Variants in RAB35 observed in about 807,000 individuals in gnomAD.
RAB35 encodes RAB35, member RAS oncogene family.
Under a neutral mutation model 28.9 loss-of-function variants are expected in RAB35, and 4 were observed. That is an observed-to-expected ratio of 0.14 (90% confidence interval 0.07 to 0.32). The LOEUF (loss-of-function observed/expected upper bound fraction) is 0.32, where lower values mean the gene tolerates loss of function less well. RAB35 is among the 10% of genes least tolerant of loss of function. The pLI, the probability that RAB35 is intolerant of heterozygous loss-of-function variation, is 1.00. For synonymous variants in RAB35, 99 were observed against 105.1 expected, an observed-to-expected ratio of 0.94 and a Z score of 0.35; for missense variants, 128 against 274.0, an observed-to-expected ratio of 0.47 and a Z score of 3.76.
Position 120,116,486 on chromosome 12 carries a change from C to T in RAB35, c.52+113G>A, listed in dbSNP as rs1011463642. ...CCTGGGGCCCAGACCGCCGGGCTGC[C>T]CCGCCCGCCCGCCCCGCACGGGCCG... is the stretch of plus-strand genomic sequence containing the variant. On this transcript the variant is annotated intron_variant, in intron 1 of 5. Coordinates refer to ENST00000229340, the MANE Select transcript of RAB35 (RefSeq NM_006861.7). 5.8e-6 allele frequency: 4 copies of T among 685,154 alleles called. No individual in the cohort carries two copies. The South Asian group carries it at 2.0e-4, about 34-fold the overall frequency. 42.4% of individuals were successfully genotyped at this position (685,154 alleles called of 1,614,324 possible). A position where few individuals can be genotyped will look rare whatever the true frequency, so the allele number is the denominator to read the frequency against.
intron 1 of RAB35, among the ~76,000 whole-genome samples, chr12:120,111,211 C>A (rs539814759): frequency 3.9e-5 from 6 of 152,234 alleles, no homozygotes; most frequent in Admixed American, 3.3e-4. Context: ...GCACAGCAGG[C>A]GCCTAAGCAG....
chr12:120,108,389 C>G (rs1317502589), intron 2 of RAB35, 28 bp downstream of exon 2: 2 of 1,603,928 alleles, frequency 1.2e-6, no homozygotes, highest in South Asian at 2.2e-5. Context: ...AAAACGACAC[C>G]CCAGCAGCAC....
chr12:120,104,138 G>A (rs1014011491), intron 2 of RAB35, among the ~76,000 whole-genome samples, 189 bp from the exon 3 acceptor site: 17 of 152,144 alleles, frequency 1.1e-4, no homozygotes, highest in Non-Finnish European at 2.2e-4. Context: ...CACAAGTGAA[G>A]GAGGGAGACA....
At chr12:120,115,030 A>T (rs1180383375) in intron 1 of RAB35, among the ~76,000 whole-genome samples, 1 of 152,212 alleles carries the variant, frequency 6.6e-6, no homozygotes, top group Admixed American at 6.5e-5. Context: ...GCCATCTCCA[A>T]GAGAACACTC....
At chr12:120,112,629 T>C (rs2139062858) in intron 1 of RAB35, among the ~76,000 whole-genome samples, 1 of 151,242 alleles carries the variant, frequency 6.6e-6, no homozygotes, top group East Asian at 2.0e-4. Flanking sequence ...AGGGCCTCCC[T>C]ATGTTGCCCA....
intron 5 of RAB35, among the ~76,000 whole-genome samples, chr12:120,098,253 T>G (rs1213340883): frequency 6.6e-6 from 1 of 152,260 alleles, no homozygotes; most frequent in African/African-American, 2.4e-5. Context: ...ACCCGGGGTC[T>G]GCCTGCTCCA....
chr12:120,113,963 T>A (rs1026627427), intron 1 of RAB35, among the ~76,000 whole-genome samples: 1 of 152,242 alleles, frequency 6.6e-6, no homozygotes, highest in African/African-American at 2.4e-5. Flanking sequence ...CCAGCATTCA[T>A]GGAGGGCCTA....
Position 120,108,567 on chromosome 12 carries a change from A to G in RAB35, c.53-100T>C, listed in dbSNP as rs753367529. 5 of 1,130,410 alleles carry G rather than the reference A, an allele frequency of 4.4e-6. No individual in the cohort carries two copies. The Admixed American group carries it at 7.7e-5, about 17-fold the overall frequency. The allele number at this position is 1,130,410 out of a possible 1,614,324, so 70.0% of individuals were successfully genotyped here. A position where few individuals can be genotyped will look rare whatever the true frequency, so the allele number is the denominator to read the frequency against. ...GAGGATGCCTCAGTCCCAACTCTTA[A>G]GAAGCTCGGTGGGACCCAGCTCACT... On this transcript the variant is annotated intron_variant, in intron 1 of 5. Transcript: ENST00000229340.
chr12:120,108,548 G>A, intron 1 of RAB35, 81 bp from the exon 2 acceptor site: 2 of 1,344,676 alleles, frequency 1.5e-6, no homozygotes, highest in East Asian at 2.4e-5. Flanking sequence ...GGGAGAGGAT[G>A]CCTCAGTCCC....
chr12:120,102,192 G>T (rs972394007), intron 3 of RAB35, among the ~76,000 whole-genome samples: 3 of 152,182 alleles, frequency 2.0e-5, no homozygotes, highest in African/African-American at 7.2e-5. Context: ...CTGTTTTCCT[G>T]TCCATAAAAT....
intron 1 of RAB35, among the ~76,000 whole-genome samples, chr12:120,112,632 G>A (rs1350170210): frequency 6.6e-6 from 1 of 150,758 alleles, no homozygotes; most frequent in Non-Finnish European, 1.5e-5. Context: ...GCCTCCCTAT[G>A]TTGCCCAGGC....
At chr12:120,101,736 C>T (rs944339453) in intron 3 of RAB35, among the ~76,000 whole-genome samples, 20 of 139,196 alleles carry the variant, frequency 1.4e-4, no homozygotes, top group African/African-American at 4.3e-4. Flanking sequence ...TCCCCAGACA[C>T]GTGGGACGGC....
intron 1 of RAB35, among the ~76,000 whole-genome samples, chr12:120,111,574 G>A (rs1346160922): frequency 6.6e-6 from 1 of 151,982 alleles, no homozygotes; most frequent in African/African-American, 2.4e-5. Context: ...CCAGCTACTC[G>A]GGAGGCTGAG....
chr12:120,105,484 T>C (rs1273463079), intron 2 of RAB35, among the ~76,000 whole-genome samples: 1 of 152,192 alleles, frequency 6.6e-6, no homozygotes, highest in African/African-American at 2.4e-5. Context: ...CCGGGATGAC[T>C]GTCCCTCCAA....
At chr12:120,108,712 G>A (rs1487943676) in intron 1 of RAB35, 2 of 648,654 alleles carry the variant, frequency 3.1e-6, no homozygotes, top group East Asian at 3.1e-5. Flanking sequence ...CCCTGGGGGA[G>A]AGATGAGAAA....
chr12:120,101,839 C>T (rs965466299), intron 3 of RAB35, among the ~76,000 whole-genome samples: 1 of 152,238 alleles, frequency 6.6e-6, no homozygotes, highest in Non-Finnish European at 1.5e-5. Context: ...GACTCCTCCC[C>T]GCCTCCCCAC....
chr12:120,110,352 C>T (rs1395157260), intron 1 of RAB35, among the ~76,000 whole-genome samples: 2 of 124,892 alleles, frequency 1.6e-5, no homozygotes, highest in Non-Finnish European at 3.1e-5. Flanking sequence ...GGCAGTGGTG[C>T]GATCATAACT....
intron 3 of RAB35, among the ~76,000 whole-genome samples, chr12:120,102,570 G>A (rs1159760238): frequency 1.3e-5 from 2 of 152,212 alleles, no homozygotes; most frequent in African/African-American, 4.8e-5. Context: ...GGTGAACCCA[G>A]TGACAAGCCC....
intron 1 of RAB35, among the ~76,000 whole-genome samples, chr12:120,113,452 T>A (rs1876200841): frequency 6.6e-6 from 1 of 152,158 alleles, no homozygotes; most frequent in East Asian, 1.9e-4. Context: ...TGAGGATGGC[T>A]GGCCTGAGGG....
Sources: allele counts gnomAD v4.1 joint callset (sites outside exome capture counted in the v4.1 genomes callset), GRCh38; gene constraint gnomAD v4.1.1; transcripts MANE v1.5; gene names NCBI Gene and HGNC (gene_info 2026-07-23, HGNC 2026-07-21).